The following PTK2 variants were observed in gnomAD, a reference collection of about 807,000 sequenced individuals.
PTK2 encodes focal adhesion kinase 1.
A neutral mutation model predicts 150.1 loss-of-function variants in PTK2; 45 were observed. That is an observed-to-expected ratio of 0.30 (90% confidence interval 0.24 to 0.38). PTK2 has a LOEUF of 0.38. PTK2 is among the 10% of genes least tolerant of loss of function. PTK2 has a pLI of 1.00. For synonymous variants in PTK2, 432 were observed against 449.2 expected, an observed-to-expected ratio of 0.96 and a Z score of 0.48; for missense variants, 919 against 1,307.3, an observed-to-expected ratio of 0.70 and a Z score of 4.58.
chr8:140,921,671 G>C (rs2100167512), intron 2 of PTK2, among the ~76,000 whole-genome samples: 1 of 152,168 alleles, frequency 6.6e-6, no homozygotes, highest in South Asian at 2.1e-4. Context: ...TCAAGAATTT[G>C]AGGTAGCCAC....
intron 1 of PTK2, among the ~76,000 whole-genome samples, chr8:140,942,226 C>T (rs1360985696): frequency 1.3e-5 from 2 of 152,064 alleles, no homozygotes; most frequent in African/African-American, 4.8e-5. Flanking sequence ...TAAATGTACC[C>T]TACCATTATA....
intron 1 of PTK2, among the ~76,000 whole-genome samples, chr8:140,997,843 G>A (rs575008089): frequency 1.3e-5 from 2 of 152,334 alleles, no homozygotes; most frequent in East Asian, 3.9e-4. Flanking sequence ...GGAGGCTGAG[G>A]TGGGAGGATC....
intron 22 of PTK2, among the ~76,000 whole-genome samples, chr8:140,720,933 T>A (rs911233300): frequency 2.6e-5 from 4 of 152,114 alleles, no homozygotes; most frequent in Admixed American, 6.5e-5. Context: ...TTTTTTGTAT[T>A]TTTAGTAGAG....
chr8:140,801,989 C>T (rs567606002), intron 11 of PTK2, among the ~76,000 whole-genome samples: 7 of 150,936 alleles, frequency 4.6e-5, no homozygotes, highest in Middle Eastern at 3.5e-3. Flanking sequence ...ATAGCACATA[C>T]GATTATGTAC....
intron 3 of PTK2, among the ~76,000 whole-genome samples, chr8:140,888,487 A>G (rs2100153086): frequency 6.6e-6 from 1 of 152,252 alleles, no homozygotes; most frequent in Non-Finnish European, 1.5e-5. Flanking sequence ...ACTGTGAAAT[A>G]AAACACGTTG....
intron 8 of PTK2, 90 bp downstream of exon 8, chr8:140,830,382 C>T (rs2100114672): frequency 3.8e-6 from 3 of 782,472 alleles, no homozygotes; most frequent in South Asian, 1.8e-5. Flanking sequence ...AAGGAAACTA[C>T]ATTTTACTTT....
intron 27 of PTK2, among the ~76,000 whole-genome samples, chr8:140,685,480 A>C (rs1369470397): frequency 1.3e-5 from 2 of 152,256 alleles, no homozygotes; most frequent in Non-Finnish European, 1.5e-5. Flanking sequence ...AATATTTGCA[A>C]ACTGTGCATC....
intron 3 of PTK2, among the ~76,000 whole-genome samples, chr8:140,884,437 A>G (rs1364790528): frequency 6.6e-6 from 1 of 152,192 alleles, no homozygotes; most frequent in East Asian, 1.9e-4. Flanking sequence ...AAACTATTTG[A>G]ATCCGTAACA....
Position 140,957,327 on chromosome 8 carries a change from C to A in PTK2, c.-121-31578G>T, listed in dbSNP as rs190648128. Among the ~76,000 whole-genome samples the A allele has an allele frequency of 8.1e-3, 1,230 of 152,178 alleles. 12 individuals are homozygous for A. The highest frequency in any genetic ancestry group is 0.014 in the Non-Finnish European group (927 of 68,012). ...CATGTAGTCTCAGCTACTTGGGAAG[C>A]TGAGGTGGGAGGATCACTTGAGCCC... On this transcript the variant is annotated intron_variant, in intron 1 of 31. Coordinates refer to ENST00000522684, the Ensembl canonical transcript of PTK2.
rs567321135 is a variant in PTK2, at chr8:140,741,122, C to T, written c.1736-2015G>A. ...TCATGCCACTGCACTCCAGCCTGGA[C>T]GACAGAACGAGACCCTGTCTTAAAA... On this transcript the variant is annotated intron_variant, in intron 20 of 31. Transcript: ENST00000522684. Among the ~76,000 whole-genome samples, 25 of 151,290 alleles carry T rather than the reference C, an allele frequency of 1.7e-4. No homozygotes were observed. The East Asian group carries it at 2.5e-3, about 15-fold the overall frequency.
chr8:140,781,869 A>G (rs2100081873), intron 14 of PTK2, among the ~76,000 whole-genome samples: 4 of 152,350 alleles, frequency 2.6e-5, no homozygotes, highest in Admixed American at 2.6e-4. Flanking sequence ...TATGACTACG[A>G]AGAACACCCC....
intron 22 of PTK2, among the ~76,000 whole-genome samples, chr8:140,729,183 A>G (rs557319781): frequency 6.6e-6 from 1 of 152,264 alleles, no homozygotes; most frequent in Admixed American, 6.5e-5. Flanking sequence ...GAAGCAAAAC[A>G]TGACAGCACA....
intron 1 of PTK2, among the ~76,000 whole-genome samples, chr8:140,999,192 G>A (rs958210581): frequency 1.3e-5 from 2 of 152,158 alleles, no homozygotes; most frequent in African/African-American, 4.8e-5. Flanking sequence ...TTTAACCAAT[G>A]ACTTGCTTCT....
At chr8:140,839,165 G>A (rs1384487302) in intron 7 of PTK2, among the ~76,000 whole-genome samples, 1 of 152,136 alleles carries the variant, frequency 6.6e-6, no homozygotes, top group Non-Finnish European at 1.5e-5. Context: ...AGCACGACAG[G>A]CAGAAGGGAA....
chr8:140,764,894 G>GA (rs2100071496), intron 14 of PTK2: 1 of 152,150 alleles, frequency 6.6e-6, no homozygotes, highest in African/African-American at 2.4e-5. Context: ...GATCTACAAA[G>GA]AAAAAAAGGA....
At chr8:140,840,770 A>G (rs1452060841) in intron 7 of PTK2, among the ~76,000 whole-genome samples, 1 of 152,198 alleles carries the variant, frequency 6.6e-6, no homozygotes, top group Non-Finnish European at 1.5e-5. Flanking sequence ...CACGCATCCT[A>G]AGAAATACAG....
Position 140,668,176 on chromosome 8 carries a change from G to A in PTK2, c.2865+93C>T, listed in dbSNP as rs2093435409. The A allele has an allele frequency of 6.2e-6, 9 of 1,443,818 alleles. No homozygotes were observed. The South Asian group carries it at 1.1e-4, about 18-fold the overall frequency. The allele number at this position is 1,443,818 out of a possible 1,614,324, so 89.4% of individuals were successfully genotyped here. On this transcript the variant is annotated intron_variant, in intron 30 of 31. Coordinates refer to ENST00000522684, the Ensembl canonical transcript of PTK2. Reference sequence around the variant, plus strand: ...TAAAGCATCAGTTCTGACTTTGGTGGGGCGGGGGGACCTAGAGACATCTAT... The same window carrying A: ...TAAAGCATCAGTTCTGACTTTGGTGAGGCGGGGGGACCTAGAGACATCTAT...
chr8:140,724,047 C>T (rs1222043425), intron 22 of PTK2, among the ~76,000 whole-genome samples: 2 of 152,158 alleles, frequency 1.3e-5, no homozygotes, highest in Non-Finnish European at 2.9e-5. Flanking sequence ...AAAAATACAG[C>T]TCCAACAAAG....
intron 3 of PTK2, among the ~76,000 whole-genome samples, chr8:140,886,580 T>C (rs1309166504): frequency 2.0e-5 from 3 of 152,236 alleles, no homozygotes; most frequent in Non-Finnish European, 4.4e-5. Context: ...GTCTCTTGCA[T>C]CCTGCTACAG....
Sources: gnomAD v4.1 joint callset for allele counts (sites outside exome capture counted in the v4.1 genomes callset) on GRCh38, gnomAD v4.1.1 for gene constraint, MANE v1.5 for transcripts, NCBI Gene and HGNC (gene_info 2026-07-23, HGNC 2026-07-21) for gene names.